SLC38A9: variants seen among roughly 807,000 people sequenced by gnomAD.
The protein encoded by SLC38A9 is neutral amino acid transporter 9.
In SLC38A9, 48 loss-of-function variants were observed where a neutral mutation model predicts 62.3. The ratio of observed to expected loss-of-function variants is 0.77; its 90% CI spans 0.61 to 0.98. SLC38A9 has a LOEUF of 0.98. Ranked by LOEUF, SLC38A9 falls within the 50% of genes least tolerant of loss-of-function variation. The pLI is 0.00. For synonymous variants in SLC38A9, 204 were observed against 227.7 expected, an observed-to-expected ratio of 0.90 and a Z score of 0.94; for missense variants, 541 against 679.8, an observed-to-expected ratio of 0.80 and a Z score of 2.27.
At chr5:55,708,126 A>C (rs1440141446) in intron 2 of SLC38A9, among the ~76,000 whole-genome samples, 1 of 152,232 alleles carries the variant, frequency 6.6e-6, no homozygotes. Context: ...GTAGGGAATG[A>C]ACAGCTTAGT....
At chr5:55,631,799 C>T (rs1028186611) in intron 14 of SLC38A9, among the ~76,000 whole-genome samples, 2 of 152,040 alleles carry the variant, frequency 1.3e-5, no homozygotes, top group African/African-American at 4.8e-5. Flanking sequence ...TTTAAGTTAT[C>T]TTTCTTTAAA....
At chr5:55,694,488 C>CTG (rs3042030) in intron 3 of SLC38A9, among the ~76,000 whole-genome samples, 16 of 151,300 alleles carry the variant, frequency 1.1e-4, no homozygotes, top group South Asian at 2.1e-4. Context: ...AAGGACAATT[C>CTG]TGTGTGTGTG....
At chr5:55,682,566 G>C (rs192188253) in intron 3 of SLC38A9, among the ~76,000 whole-genome samples, 1 of 152,252 alleles carries the variant, frequency 6.6e-6, no homozygotes, top group East Asian at 1.9e-4. Flanking sequence ...ATTGAGGCCG[G>C]GAGTTCAAGA....
intron 12 of SLC38A9, among the ~76,000 whole-genome samples, chr5:55,636,894 A>C (rs1744477597): frequency 6.6e-6 from 1 of 152,190 alleles, no homozygotes; most frequent in South Asian, 2.1e-4. Flanking sequence ...GAGGAAGAGG[A>C]TGACCGGGCA....
At chr5:55,664,597 T>C in intron 8 of SLC38A9, 96 bp downstream of exon 8, 2 of 648,910 alleles carry the variant, frequency 3.1e-6, no homozygotes, top group Non-Finnish European at 4.6e-6. Context: ...CTTATTTTAT[T>C]TATCCCAAGT....
At chr5:55,710,091 A>AG (rs1208726676) in intron 2 of SLC38A9, among the ~76,000 whole-genome samples, 1 of 150,574 alleles carries the variant, frequency 6.6e-6, no homozygotes, top group African/African-American at 2.4e-5. Flanking sequence ...AAAAAGAAAA[A>AG]AAAAAGAAAA....
intron 11 of SLC38A9, among the ~76,000 whole-genome samples, chr5:55,647,511 A>G (rs1466044948): frequency 1.3e-5 from 2 of 152,220 alleles, no homozygotes; most frequent in East Asian, 3.8e-4. Context: ...GCTCTAAAAT[A>G]AAATAAACAA....
intron 14 of SLC38A9, among the ~76,000 whole-genome samples, chr5:55,632,680 A>G (rs1316395203): frequency 1.3e-5 from 2 of 152,186 alleles, no homozygotes; most frequent in African/African-American, 4.8e-5. Flanking sequence ...ACCTAAAAAT[A>G]TCACTCCAAT....
chr5:55,669,261 AGCAATAAAGT>A lies in SLC38A9; in HGVS notation c.483_492del (p.Leu162AlafsTer4). On this transcript the variant is annotated frameshift_variant, in exon 7 of 16. Coordinates refer to ENST00000396865, the MANE Select transcript of SLC38A9 (RefSeq NM_173514.4). LOFTEE classifies it high-confidence loss of function. The stretch of plus-strand genomic sequence containing the variant: ...GTCCGTGATTTCACTACTCTGTAGC[AGCAATAAAGT>A]GTTAAAAGGCCCATCAGTATGATGA... 6.2e-7 allele frequency: 1 copy of A among 1,613,188 alleles called. No individual in the cohort carries two copies. The highest frequency in any genetic ancestry group is 8.5e-7 in the Non-Finnish European group (1 of 1,179,630).
At chr5:55,677,729 G>A (rs1042741170) in intron 3 of SLC38A9, among the ~76,000 whole-genome samples, 1 of 148,330 alleles carries the variant, frequency 6.7e-6, no homozygotes, top group Non-Finnish European at 1.5e-5. Context: ...TTTTTTGGTA[G>A]AGATGGGGCT....
chr5:55,645,955 G>T, intron 11 of SLC38A9, 60 bp from the exon 12 acceptor site: 3 of 1,076,788 alleles, frequency 2.8e-6, no homozygotes, highest in Non-Finnish European at 4.1e-6. Flanking sequence ...AGTATTGGTA[G>T]CCAAAAGTTG....
intron 12 of SLC38A9, among the ~76,000 whole-genome samples, chr5:55,637,110 G>A (rs1181780054): frequency 6.6e-6 from 1 of 152,170 alleles, no homozygotes; most frequent in Non-Finnish European, 1.5e-5. Flanking sequence ...TGCCACTCAA[G>A]AACAGAGGTA....
intron 12 of SLC38A9, among the ~76,000 whole-genome samples, chr5:55,639,044 G>A (rs1290123488): frequency 6.6e-6 from 1 of 151,940 alleles, no homozygotes; most frequent in Admixed American, 6.6e-5. Flanking sequence ...ATGGCCAGGC[G>A]CGGTGGTTCA....
rs747168310 is a variant in SLC38A9 at position 55,672,513 on chromosome 5, C to G, written c.246+50G>C. 2.5e-6 allele frequency: 4 copies of G among 1,597,588 alleles called. No individual in the cohort carries two copies. In the African/African-American group the frequency reaches 5.4e-5, roughly 21 times the overall value. ...GAGGTGCCCTGGCTTATATTGTTCACTGTTCATTTCAACTGAATTTTAGAC... is the reference window on the plus strand; with the variant it reads ...GAGGTGCCCTGGCTTATATTGTTCAGTGTTCATTTCAACTGAATTTTAGAC... On this transcript the variant is annotated intron_variant, in intron 4 of 15. Coordinates refer to ENST00000396865, the MANE Select transcript of SLC38A9 (RefSeq NM_173514.4).
intron 7 of SLC38A9, among the ~76,000 whole-genome samples, chr5:55,667,398 C>G (rs1250046212): frequency 6.6e-6 from 1 of 152,088 alleles, no homozygotes; most frequent in Non-Finnish European, 1.5e-5. Flanking sequence ...GTGCTTTTCA[C>G]TTAGAGTTTT....
chr5:55,660,422 AC>A, intron 8 of SLC38A9, among the ~76,000 whole-genome samples: 1 of 152,178 alleles, frequency 6.6e-6, no homozygotes. Context: ...TCTCAAAAAA[AC>A]ATTCAAAATG....
At chr5:55,656,687 G>T (rs1351655879) in intron 9 of SLC38A9, 28 bp downstream of exon 9, 2 of 1,529,316 alleles carry the variant, frequency 1.3e-6, no homozygotes, top group South Asian at 2.2e-5. Context: ...GGAGAGTAAA[G>T]AAACAAACAA....
In SLC38A9 at chr5:55,708,313, G is replaced by C. The variant is rs375745045; in HGVS notation, c.-35+3139C>G. Among the ~76,000 whole-genome samples the C allele has an allele frequency of 9.2e-5, 14 of 152,184 alleles. 1 individual carries two copies. The East Asian group carries it at 9.6e-4, about 10-fold the overall frequency. On this transcript the variant is annotated intron_variant, in intron 2 of 15. Coordinates refer to ENST00000396865, the MANE Select transcript of SLC38A9 (RefSeq NM_173514.4). ...CCACTGCATTCCAGCCCAGGTGACA[G>C]AGTGAGACTGTCTCTAAAAGAACAA...
intron 3 of SLC38A9, among the ~76,000 whole-genome samples, chr5:55,682,857 GTGGAGC>G (rs1274823456): frequency 6.6e-6 from 1 of 152,178 alleles, no homozygotes; most frequent in Admixed American, 6.5e-5. Context: ...CCACTGGAGG[GTGGAGC>G]TGTGTTTCAG....
Sources: allele counts gnomAD v4.1 joint callset (sites outside exome capture counted in the v4.1 genomes callset), GRCh38; gene constraint gnomAD v4.1.1; transcripts MANE v1.5; gene names NCBI Gene and HGNC (gene_info 2026-07-23, HGNC 2026-07-21).